The following CACNA1C variants were observed in gnomAD, a reference collection of about 807,000 sequenced individuals.
CACNA1C encodes the protein calcium voltage-gated channel subunit alpha1 C.
CACNA1C carries 30 observed loss-of-function variants against 229.0 expected under a neutral mutation model. That is an observed-to-expected ratio of 0.13 (90% CI 0.10 to 0.18). The LOEUF (loss-of-function observed/expected upper bound fraction) is 0.18, where lower values mean the gene tolerates loss of function less well. Ranked by LOEUF, CACNA1C falls within the 10% of genes least tolerant of loss-of-function variation. CACNA1C has a pLI of 1.00. For synonymous variants in CACNA1C, 1,114 were observed against 1,132.5 expected (o/e 0.98, Z 0.33); for missense variants, 1,658 against 2,845.0 (o/e 0.58, Z 9.49).
chr12:2,226,631 T>C lies in CACNA1C; in HGVS notation c.477+106201T>C, dbSNP rs190575578. 1.5e-3 allele frequency among the ~76,000 whole-genome samples: 231 copies of C among 152,326 alleles called. 3 individuals are homozygous for C. The highest frequency in any genetic ancestry group is 6.9e-4 in the Non-Finnish European group (47 of 68,030). ...GCATGCTTAAGACCTGGCTTGCTGC[T>C]CTTAATAATTACATAGTGTCATTGT... On this transcript the variant is annotated intron_variant, in intron 3 of 46. Coordinates refer to ENST00000399655, the MANE Select transcript of CACNA1C (RefSeq NM_000719.7).
upstream of CACNA1C, among the ~76,000 whole-genome samples, chr12:2,050,163 C>A (rs2051873753): frequency 6.6e-6 from 1 of 152,110 alleles, no homozygotes; most frequent in Admixed American, 6.5e-5. Context: ...TCACCCTGTT[C>A]ATCTCCCTGC....
intron 3 of CACNA1C, among the ~76,000 whole-genome samples, chr12:2,160,810 G>A (rs1465691325): frequency 3.9e-5 from 6 of 152,128 alleles, no homozygotes; most frequent in African/African-American, 1.4e-4. Context: ...GGTAGCTCTG[G>A]TTATTTTTTA....
At chr12:1,981,422 T>C (rs929831769) in intron 1 of CACNA1C, among the ~76,000 whole-genome samples, 1 of 152,222 alleles carries the variant, frequency 6.6e-6, no homozygotes, top group Admixed American at 6.6e-5. Flanking sequence ...AATTCAGTGC[T>C]ATGGGGGACT....
chr12:2,059,783 C>A (rs1264936220), intron 1 of CACNA1C, among the ~76,000 whole-genome samples: 1 of 152,138 alleles, frequency 6.6e-6, no homozygotes, highest in East Asian at 1.9e-4. Flanking sequence ...TTCATGGAGG[C>A]AGGGATGTAA....
intron 3 of CACNA1C, among the ~76,000 whole-genome samples, chr12:2,408,158 A>G (rs1378627539): frequency 2.6e-5 from 4 of 152,240 alleles, no homozygotes; most frequent in Admixed American, 6.5e-5. Flanking sequence ...CAAATATTAC[A>G]TGGTTCCACT....
intron 10 of CACNA1C, among the ~76,000 whole-genome samples, chr12:2,553,701 G>C (rs1356004789): frequency 6.6e-6 from 1 of 152,252 alleles, no homozygotes; most frequent in Non-Finnish European, 1.5e-5. Context: ...TGTGGAGTCT[G>C]TGTGGTATCG....
intron 39 of CACNA1C, chr12:2,676,272 G>A (rs1009893664): frequency 6.6e-6 from 1 of 152,190 alleles, no homozygotes; most frequent in African/African-American, 2.4e-5. Context: ...GCCAGAGAAG[G>A]GAGGGGTCAT....
At chr12:2,051,576 G>A (rs1052459367), upstream of CACNA1C, among the ~76,000 whole-genome samples, 2 of 152,184 alleles carry the variant, frequency 1.3e-5, no homozygotes, top group African/African-American at 4.8e-5. Context: ...AGCCCCAGGT[G>A]GTGGCAGTGC....
intron 1 of CACNA1C, among the ~76,000 whole-genome samples, chr12:2,033,281 T>C (rs1191182554): frequency 6.6e-6 from 1 of 152,140 alleles, no homozygotes; most frequent in Non-Finnish European, 1.5e-5. Flanking sequence ...GCCCCCATGA[T>C]GCCCGCCCTC....
At chr12:2,561,467 T>C (rs1029006917) in intron 11 of CACNA1C, among the ~76,000 whole-genome samples, 8 of 152,336 alleles carry the variant, frequency 5.3e-5, no homozygotes, top group Middle Eastern at 3.4e-3. Flanking sequence ...GTTTAGTAAC[T>C]ATTTCTTGGA....
At chr12:2,645,869 C>T (rs1338878916) in intron 30 of CACNA1C, among the ~76,000 whole-genome samples, 1 of 152,140 alleles carries the variant, frequency 6.6e-6, no homozygotes, top group Non-Finnish European at 1.5e-5. Context: ...GCTTAAGGCT[C>T]AAGAAAAACT....
chr12:2,231,968 ATAGTG>A (rs1287617643), intron 3 of CACNA1C, among the ~76,000 whole-genome samples: 23 of 152,348 alleles, frequency 1.5e-4, no homozygotes, highest in Admixed American at 1.1e-3. Context: ...AAGTAGAAGA[ATAGTG>A]TAGAGTTCCC....
At chr12:2,199,026 C>T (rs139707374) in intron 3 of CACNA1C, among the ~76,000 whole-genome samples, 3 of 152,234 alleles carry the variant, frequency 2.0e-5, no homozygotes, top group African/African-American at 7.2e-5. Flanking sequence ...TGAGATACAT[C>T]GAGTGGCTCC....
chr12:2,116,527 G>A lies in CACNA1C; in HGVS notation c.371+982G>A, dbSNP rs73603767. 7.0e-3 allele frequency among the ~76,000 whole-genome samples: 1,060 copies of A among 152,176 alleles called. 12 individuals are homozygous for A. Among genetic ancestry groups the A allele is most frequent in the African/African-American group, 0.024 (993 of 41,532 alleles). ...ACCACAGGTGCCCGCCACCACGCTC[G>A]GCTATTCTTTTTTGTATTTTTAGTA... On this transcript the variant is annotated intron_variant, in intron 2 of 46. Coordinates refer to ENST00000399655, the MANE Select transcript of CACNA1C (RefSeq NM_000719.7).
At chr12:2,414,769 C>G (rs1238994741) in intron 3 of CACNA1C, among the ~76,000 whole-genome samples, 1 of 152,104 alleles carries the variant, frequency 6.6e-6, no homozygotes. Flanking sequence ...TTTTTGTACC[C>G]CTTACTGAAT....
chr12:2,489,716 T>C (rs1384348942), intron 6 of CACNA1C, among the ~76,000 whole-genome samples: 1 of 152,236 alleles, frequency 6.6e-6, no homozygotes, highest in East Asian at 1.9e-4. Context: ...TTGGAATCAC[T>C]AACTGGAGCT....
intron 13 of CACNA1C, among the ~76,000 whole-genome samples, chr12:2,578,661 C>T (rs74053836): frequency 2.6e-5 from 4 of 152,156 alleles, no homozygotes; most frequent in Admixed American, 6.5e-5. Flanking sequence ...AAGATGACTC[C>T]GAGGACTTTG....
At chr12:2,317,258 C>T (rs1190073636) in intron 3 of CACNA1C, among the ~76,000 whole-genome samples, 2 of 152,146 alleles carry the variant, frequency 1.3e-5, no homozygotes, top group Non-Finnish European at 2.9e-5. Flanking sequence ...TGAGAGAAAC[C>T]CAAGTGTCCT....
intron 3 of CACNA1C, among the ~76,000 whole-genome samples, chr12:2,145,268 G>A (rs1280837651): frequency 6.6e-6 from 1 of 150,848 alleles, no homozygotes; most frequent in Admixed American, 6.7e-5. Context: ...TATCCTTTTG[G>A]AATTGGAAGA....
Sources: gnomAD v4.1 joint callset for allele counts (sites outside exome capture counted in the v4.1 genomes callset) on GRCh38, gnomAD v4.1.1 for gene constraint, MANE v1.5 for transcripts, NCBI Gene and HGNC (gene_info 2026-07-23, HGNC 2026-07-21) for gene names.